The following DLEU7 variants were observed in gnomAD, a reference collection of about 807,000 sequenced individuals.
The protein encoded by DLEU7 is deleted in lymphocytic leukemia 7, also known as leukemia-associated protein 7.
A neutral mutation model predicts 16.0 loss-of-function variants in DLEU7; 17 were observed. That is an observed-to-expected ratio of 1.06 (90% CI 0.73 to 1.59). The LOEUF (loss-of-function observed/expected upper bound fraction) is 1.59, where lower values mean the gene tolerates loss of function less well. Among genes scored for constraint, DLEU7 ranks in the 40% most tolerant of loss-of-function variants. The probability of loss-of-function intolerance (pLI) is 0.00; values close to 1 mark genes in which losing one functional copy is unlikely to be tolerated. For synonymous variants in DLEU7, 113 were observed against 139.8 expected (o/e 0.81, Z 1.35); for missense variants, 308 against 314.9 (o/e 0.98, Z 0.17).
At chr13:50,732,030 A>T (rs187795327) in intron 1 of DLEU7, among the ~76,000 whole-genome samples, 95 of 152,332 alleles carry the variant, frequency 6.2e-4, no homozygotes, top group Non-Finnish European at 1.1e-3. Flanking sequence ...ATTTCATGAA[A>T]CAATCTGTTC....
chr13:50,771,121 T>C (rs1319115770), intron 1 of DLEU7, among the ~76,000 whole-genome samples: 1 of 152,212 alleles, frequency 6.6e-6, no homozygotes, highest in Non-Finnish European at 1.5e-5. Context: ...ATAACCCCCT[T>C]TATCATTTTT....
At chr13:50,730,720 A>T (rs1475101776) in intron 1 of DLEU7, among the ~76,000 whole-genome samples, 1 of 152,164 alleles carries the variant, frequency 6.6e-6, no homozygotes, top group Non-Finnish European at 1.5e-5. Flanking sequence ...TCTGTGGGCA[A>T]TTCACTCAAT....
chr13:50,836,907 A>C (rs1877488007), intron 1 of DLEU7, among the ~76,000 whole-genome samples: 1 of 152,196 alleles, frequency 6.6e-6, no homozygotes, highest in South Asian at 2.1e-4. Flanking sequence ...TTCTGTTTTA[A>C]TAGGATGTTG....
chr13:50,738,165 C>A (rs1455862348), intron 1 of DLEU7, among the ~76,000 whole-genome samples: 1 of 152,136 alleles, frequency 6.6e-6, no homozygotes, highest in Non-Finnish European at 1.5e-5. Context: ...ATGCTTGGAA[C>A]TAGCAGAGGT....
At chr13:50,838,154 G>A (rs900268007) in intron 1 of DLEU7, among the ~76,000 whole-genome samples, 5 of 152,204 alleles carry the variant, frequency 3.3e-5, no homozygotes, top group African/African-American at 1.2e-4. Context: ...TGCAATGACT[G>A]CGAAGCCAAA....
chr13:50,839,065 T>C (rs1877564312), intron 1 of DLEU7, among the ~76,000 whole-genome samples: 1 of 152,232 alleles, frequency 6.6e-6, no homozygotes, highest in African/African-American at 2.4e-5. Flanking sequence ...CAGGCTACGA[T>C]GTGACTGTTG....
At chr13:50,807,125 T>C (rs1487792594) in intron 1 of DLEU7, among the ~76,000 whole-genome samples, 1 of 151,668 alleles carries the variant, frequency 6.6e-6, no homozygotes, top group Non-Finnish European at 1.5e-5. Flanking sequence ...AATTAATTTT[T>C]AAAGAGAGTT....
intron 1 of DLEU7, among the ~76,000 whole-genome samples, chr13:50,814,963 AT>A (rs1304674948): frequency 6.6e-6 from 1 of 151,946 alleles, no homozygotes; most frequent in Admixed American, 6.6e-5. Context: ...TGAATCTATA[AT>A]CTGTGAATAA....
chr13:50,711,767 A>AGCGGCCGGGGGGGGGG (rs1345094763), downstream of DLEU7: 1 of 55,934 alleles, frequency 1.8e-5, no homozygotes, highest in Non-Finnish European at 3.0e-5. Context: ...ACAATGACCC[A>AGCGGCCGGGGGGGGGG]GTGGCGGGGG....
At chr13:50,741,044 AAT>A (rs1874237574) in intron 1 of DLEU7, among the ~76,000 whole-genome samples, 1 of 152,166 alleles carries the variant, frequency 6.6e-6, no homozygotes, top group African/African-American at 2.4e-5. Flanking sequence ...GAGAAGATCT[AAT>A]AAAGTCAGCC....
At chr13:50,760,060 T>G (rs1486937885) in intron 1 of DLEU7, among the ~76,000 whole-genome samples, 1 of 152,234 alleles carries the variant, frequency 6.6e-6, no homozygotes, top group Admixed American at 6.5e-5. Context: ...ATACACTTTA[T>G]GCATACAAAA....
chr13:50,765,238 A>G (rs541908835), intron 1 of DLEU7, among the ~76,000 whole-genome samples: 2 of 152,334 alleles, frequency 1.3e-5, no homozygotes, highest in African/African-American at 4.8e-5. Context: ...AAAATTAAGA[A>G]TCACTAAAGA....
At chr13:50,822,517 T>C, downstream of DLEU7, 1 of 572,142 alleles carries the variant, frequency 1.7e-6, no homozygotes, top group South Asian at 7.7e-5. Flanking sequence ...TCACCTTCTC[T>C]CTTCCCGGCT....
intron 1 of DLEU7, among the ~76,000 whole-genome samples, chr13:50,764,024 C>T (rs1875026411): frequency 6.6e-6 from 1 of 152,130 alleles, no homozygotes; most frequent in South Asian, 2.1e-4. Flanking sequence ...GTTTATAGTC[C>T]CGCACTGCAT....
intron 1 of DLEU7, among the ~76,000 whole-genome samples, chr13:50,785,703 T>G (rs530208359): frequency 6.6e-6 from 1 of 152,358 alleles, no homozygotes; most frequent in South Asian, 2.1e-4. Flanking sequence ...CTGAATTTCC[T>G]GACTTGGGAG....
At chr13:50,714,018 C>T (rs1873368935) in intron 1 of DLEU7, among the ~76,000 whole-genome samples, 1 of 152,228 alleles carries the variant, frequency 6.6e-6, no homozygotes, top group South Asian at 2.1e-4. Flanking sequence ...ACTCCCCTCA[C>T]TCCCATGCTC....
chr13:50,740,954 C>T (rs182434312), intron 1 of DLEU7, among the ~76,000 whole-genome samples: 327 of 152,168 alleles, frequency 2.1e-3, no homozygotes, highest in Non-Finnish European at 3.4e-3. Flanking sequence ...CAGCCTTGTT[C>T]ATCCTGGGCC....
rs1168213938 is a variant in DLEU7 at position 50,843,677 on chromosome 13, G to A, written c.-31C>T. ...CCGCTGGCGGCCCGGCGCGCTCCGC[G>A]TGCAGGTGGAGCAGCAGCGAGGGAG... On this transcript the variant is annotated 5_prime_UTR_variant, in exon 1 of 2. The change creates a new upstream start codon in the 5' untranslated region. Coordinates refer to ENST00000504404, the MANE Select transcript of DLEU7 (RefSeq NM_001306135.2). This position sits in a 1 kb window ranked among gnomAD's most constrained non-coding sequence, Gnocchi z 5.7. 6.7e-7 allele frequency: 1 copy of A among 1,498,520 alleles called. No individual in the cohort carries two copies. 92.8% of individuals were successfully genotyped at this position (1,498,520 alleles called of 1,614,324 possible).
chr13:50,772,886 A>T (rs1300206367), intron 1 of DLEU7, among the ~76,000 whole-genome samples: 1 of 152,094 alleles, frequency 6.6e-6, no homozygotes, highest in Non-Finnish European at 1.5e-5. Context: ...CATTCTCCCC[A>T]TCACTTTCAG....
Sources: gnomAD v4.1 joint callset for allele counts (sites outside exome capture counted in the v4.1 genomes callset) on GRCh38, gnomAD v4.1.1 for gene constraint, Gnocchi (gnomAD v3.1) non-coding constraint, MANE v1.5 for transcripts, NCBI Gene and HGNC (gene_info 2026-07-23, HGNC 2026-07-21) for gene names.